GABRB3: variants seen among roughly 807,000 people sequenced by gnomAD.
The protein encoded by GABRB3 is gamma-aminobutyric acid receptor subunit beta-3.
A neutral mutation model predicts 52.1 loss-of-function variants in GABRB3; 14 were observed. The observed-to-expected ratio is 0.27, with a 90% CI of 0.18 to 0.42. The LOEUF (loss-of-function observed/expected upper bound fraction) is 0.42. GABRB3 is among the 10% of genes least tolerant of loss of function. The probability of loss-of-function intolerance (pLI) is 1.00; values close to 1 mark genes in which losing one functional copy is unlikely to be tolerated. For synonymous variants in GABRB3, 260 were observed against 232.3 expected (o/e 1.12, Z -1.08); for missense variants, 307 against 609.1 (o/e 0.50, Z 5.22).
At position 26,646,035 on chromosome 15, in the gene GABRB3, AC is replaced by A. The variant is rs1304841386; in HGVS notation, c.241-24502del. Among the ~76,000 whole-genome samples, 3 of 152,136 alleles carry A rather than the reference AC, an allele frequency of 2.0e-5. No homozygotes were observed. The East Asian group carries it at 5.8e-4, about 29-fold the overall frequency. ...CAGTAATATTTTACCAAATAATGGG[AC>A]CTATTTTTTAACAACTTTAATGAGG... On this transcript the variant is annotated intron_variant, in intron 3 of 8. Transcript: ENST00000311550.
At chr15:26,640,496 G>C (rs559916541) in intron 3 of GABRB3, among the ~76,000 whole-genome samples, 1 of 152,054 alleles carries the variant, frequency 6.6e-6, no homozygotes, top group East Asian at 1.9e-4. Context: ...CAGCCTGGGC[G>C]ACAGAGCGAG....
At chr15:26,742,968 C>T (rs897428753) in intron 3 of GABRB3, among the ~76,000 whole-genome samples, 16 of 115,312 alleles carry the variant, frequency 1.4e-4, no homozygotes, top group South Asian at 2.8e-4. Context: ...CTCGCTATGG[C>T]GCCCAGGCGG....
chr15:26,619,113 T>C (rs1465147650), intron 4 of GABRB3, among the ~76,000 whole-genome samples: 2 of 151,962 alleles, frequency 1.3e-5, no homozygotes, highest in African/African-American at 2.4e-5. Flanking sequence ...ACTGTGGAGA[T>C]TCCTCAGGGA....
chr15:26,567,479 C>T (rs1056594770), intron 7 of GABRB3, 102 bp downstream of exon 7: 11 of 1,111,116 alleles, frequency 9.9e-6, no homozygotes, highest in East Asian at 2.5e-5. Flanking sequence ...GCTTGTGTCA[C>T]GCTGTCAAAA....
chr15:26,769,763 C>T (rs1238598168), intron 3 of GABRB3, among the ~76,000 whole-genome samples: 2 of 152,206 alleles, frequency 1.3e-5, no homozygotes, highest in African/African-American at 4.8e-5. Context: ...TCTCGTCCCT[C>T]CTCCTCCCTC....
intron 8 of GABRB3, among the ~76,000 whole-genome samples, chr15:26,552,522 T>C (rs900481601): frequency 6.6e-6 from 1 of 152,150 alleles, no homozygotes; most frequent in African/African-American, 2.4e-5. Flanking sequence ...CAGTAGCATG[T>C]CCCTTGTGCA....
chr15:26,726,454 C>T (rs1490679080), intron 3 of GABRB3, among the ~76,000 whole-genome samples: 1 of 152,156 alleles, frequency 6.6e-6, no homozygotes, highest in African/African-American at 2.4e-5. Context: ...CCTTTCTGGA[C>T]CCGGTTCCAA....
At chr15:26,632,507 G>A (rs556184299) in intron 3 of GABRB3, among the ~76,000 whole-genome samples, 124 of 152,310 alleles carry the variant, frequency 8.1e-4, no homozygotes, top group Admixed American at 3.7e-3. Flanking sequence ...TTCTGGAGTC[G>A]AGTAAGTTTG....
At chr15:26,742,516 G>C (rs757951641) in intron 3 of GABRB3, among the ~76,000 whole-genome samples, 2 of 152,122 alleles carry the variant, frequency 1.3e-5, no homozygotes, top group Non-Finnish European at 2.9e-5. Flanking sequence ...TTCATACGTG[G>C]CATGAGATAG....
intron 4 of GABRB3, among the ~76,000 whole-genome samples, chr15:26,592,897 C>G (rs1318946864): frequency 6.6e-6 from 1 of 152,126 alleles, no homozygotes; most frequent in African/African-American, 2.4e-5. Context: ...TGCCTTTAGT[C>G]CCAGCTACTT....
chr15:26,605,955 C>T (rs568903160), intron 4 of GABRB3, among the ~76,000 whole-genome samples: 4 of 152,024 alleles, frequency 2.6e-5, no homozygotes, highest in South Asian at 2.1e-4. Flanking sequence ...AAGTCGAATA[C>T]GAAGGAGGCA....
chr15:26,604,082 C>A (rs1229433504), intron 4 of GABRB3, among the ~76,000 whole-genome samples: 1 of 151,952 alleles, frequency 6.6e-6, no homozygotes, highest in African/African-American at 2.4e-5. Context: ...TTGCAGGATA[C>A]AAAATCAACA....
intron 3 of GABRB3, among the ~76,000 whole-genome samples, chr15:26,712,103 A>G (rs1162127551): frequency 6.6e-6 from 1 of 152,002 alleles, no homozygotes; most frequent in Non-Finnish European, 1.5e-5. Flanking sequence ...GTGGGAGGCC[A>G]GGGAGGTGGG....
intron 4 of GABRB3, among the ~76,000 whole-genome samples, chr15:26,586,017 G>A (rs1484222025): frequency 1.3e-5 from 2 of 152,022 alleles, no homozygotes; most frequent in Admixed American, 6.6e-5. Context: ...GTTTGTTTTT[G>A]CTACGGAGTC....
chr15:26,655,757 A>G (rs921725106), intron 3 of GABRB3, among the ~76,000 whole-genome samples: 1 of 150,644 alleles, frequency 6.6e-6, no homozygotes, highest in South Asian at 2.1e-4. Context: ...AAAAAAAAAA[A>G]CCCTCGGTTT....
intron 8 of GABRB3, among the ~76,000 whole-genome samples, chr15:26,554,050 TTTATTTATATATAA>T (rs1889605547): frequency 8.4e-6 from 1 of 118,454 alleles, no homozygotes; most frequent in Non-Finnish European, 1.7e-5. Flanking sequence ...TTTATTTATA[TTTATTTATATATAA>T]AGTGTGTATA....
At chr15:26,665,815 A>G (rs920580975) in intron 3 of GABRB3, among the ~76,000 whole-genome samples, 1 of 152,218 alleles carries the variant, frequency 6.6e-6, no homozygotes, top group South Asian at 2.1e-4. Context: ...CTAATGAGCT[A>G]CTTCATATGA....
At position 26,621,826 on chromosome 15, in the gene GABRB3, C is replaced by T. The variant is rs1014153872; in HGVS notation, c.241-292G>A. 6.6e-6 allele frequency among the ~76,000 whole-genome samples: 1 copy of T among 152,130 alleles called. No individual in the cohort carries two copies. The highest frequency in any genetic ancestry group is 6.5e-5 in the Admixed American group (1 of 15,272). Reference sequence around the variant, plus strand: ...TAACAGATAACAGCATAGAAATAAACGGGAAAAAGTCATCGTAAAATCAGG... The same window carrying T: ...TAACAGATAACAGCATAGAAATAAATGGGAAAAAGTCATCGTAAAATCAGG... On this transcript the variant is annotated intron_variant, in intron 3 of 8. Coordinates refer to ENST00000311550, the MANE Select transcript of GABRB3 (RefSeq NM_000814.6). This position sits in a 1 kb window ranked among gnomAD's most constrained non-coding sequence, Gnocchi z 4.1.
At chr15:26,695,180 A>G (rs906531329) in intron 3 of GABRB3, among the ~76,000 whole-genome samples, 1 of 152,206 alleles carries the variant, frequency 6.6e-6, no homozygotes, top group Admixed American at 6.5e-5. Context: ...GACTAAATAG[A>G]ATAAATGACC....
Sources: allele counts gnomAD v4.1 joint callset (sites outside exome capture counted in the v4.1 genomes callset), GRCh38; gene constraint gnomAD v4.1.1; non-coding constraint Gnocchi (gnomAD v3.1); transcripts MANE v1.5; gene names NCBI Gene and HGNC (gene_info 2026-07-23, HGNC 2026-07-21).